The following SOX5 variants were observed in gnomAD, a reference collection of about 807,000 sequenced individuals.
SOX5 encodes transcription factor SOX-5.
SOX5 carries 9 observed loss-of-function variants against 92.0 expected under a neutral mutation model. The observed-to-expected ratio is 0.10, with a 90% CI of 0.06 to 0.17. The LOEUF is 0.17. Ranked by LOEUF, SOX5 falls within the 10% of genes least tolerant of loss-of-function variation. The probability of loss-of-function intolerance (pLI) is 1.00; values close to 1 mark genes in which losing one functional copy is unlikely to be tolerated. For missense variants in SOX5, 642 were observed against 944.5 expected, an observed-to-expected ratio of 0.68 and a Z score of 4.20; for synonymous variants, 344 against 336.3, an observed-to-expected ratio of 1.02 and a Z score of -0.25.
At chr12:23,934,772 T>C (rs1942196421) in intron 1 of SOX5, among the ~76,000 whole-genome samples, 1 of 151,486 alleles carries the variant, frequency 6.6e-6, no homozygotes, top group African/African-American at 2.4e-5. Flanking sequence ...AATGATTTCT[T>C]ATTGAAGCAC....
At chr12:24,356,759 G>A (rs1954882932) in intron 2 of SOX5, among the ~76,000 whole-genome samples, 1 of 151,986 alleles carries the variant, frequency 6.6e-6, no homozygotes, top group South Asian at 2.1e-4. Flanking sequence ...GGTGTTTTCT[G>A]TAAAAGCTGA....
At chr12:24,012,918 T>C (rs1360254924) in intron 4 of SOX5, among the ~76,000 whole-genome samples, 1 of 152,136 alleles carries the variant, frequency 6.6e-6, no homozygotes, top group Admixed American at 6.6e-5. Context: ...GTAGAAGCAA[T>C]AGGAACTATT....
intron 9 of SOX5, among the ~76,000 whole-genome samples, chr12:23,602,677 G>T (rs2074665203): frequency 6.6e-6 from 1 of 151,960 alleles, no homozygotes; most frequent in African/African-American, 2.4e-5. Flanking sequence ...AAAAAACAGA[G>T]AATAATACCT....
chr12:23,584,709 C>A, intron 9 of SOX5: 1 of 746,104 alleles, frequency 1.3e-6, no homozygotes, highest in South Asian at 1.6e-5. Context: ...AGGCACAGAA[C>A]CTTGGAGAAG....
intron 1 of SOX5, among the ~76,000 whole-genome samples, chr12:23,918,692 C>T (rs960855922): frequency 1.3e-5 from 2 of 151,520 alleles, no homozygotes; most frequent in African/African-American, 2.4e-5. Context: ...TTGGGAGGCC[C>T]AGGTGGAGGG....
intron 1 of SOX5, among the ~76,000 whole-genome samples, chr12:23,943,685 T>C (rs1157985254): frequency 6.6e-6 from 1 of 152,242 alleles, no homozygotes; most frequent in South Asian, 2.1e-4. Flanking sequence ...GCCAAGTGAC[T>C]AAAATGTTAC....
intron 4 of SOX5, among the ~76,000 whole-genome samples, chr12:24,103,603 G>A (rs1946342243): frequency 1.3e-5 from 2 of 152,144 alleles, no homozygotes; most frequent in Admixed American, 6.5e-5. Context: ...TGATCCTCAC[G>A]CCTTGGCCTC....
At chr12:24,398,772 T>A (rs1329958749) in intron 1 of SOX5, among the ~76,000 whole-genome samples, 3 of 152,212 alleles carry the variant, frequency 2.0e-5, no homozygotes, top group African/African-American at 7.2e-5. Context: ...GCACATCTAA[T>A]AACAGGAAGG....
intron 1 of SOX5, among the ~76,000 whole-genome samples, chr12:24,501,508 T>C (rs1231773360): frequency 6.6e-6 from 1 of 152,160 alleles, no homozygotes; most frequent in Non-Finnish European, 1.5e-5. Context: ...AAAAGTATTC[T>C]ATACTTAAAA....
At chr12:24,066,870 T>C (rs376055269) in intron 4 of SOX5, among the ~76,000 whole-genome samples, 1 of 152,296 alleles carries the variant, frequency 6.6e-6, no homozygotes, top group African/African-American at 2.4e-5. Context: ...GGTCAGAGAT[T>C]TTATTTCACC....
chr12:23,548,544 G>A (rs1319435998), intron 11 of SOX5, among the ~76,000 whole-genome samples: 1 of 151,954 alleles, frequency 6.6e-6, no homozygotes, highest in Non-Finnish European at 1.5e-5. Flanking sequence ...ATGAGAACAG[G>A]CAAAAGGAAA....
intron 3 of SOX5, among the ~76,000 whole-genome samples, chr12:24,277,014 T>C (rs914211118): frequency 1.3e-5 from 2 of 152,054 alleles, no homozygotes; most frequent in African/African-American, 4.8e-5. Flanking sequence ...GACATTACCA[T>C]CATAATGAGT....
At chr12:24,090,592 A>G (rs1389988916) in intron 4 of SOX5, among the ~76,000 whole-genome samples, 1 of 152,218 alleles carries the variant, frequency 6.6e-6, no homozygotes, top group Admixed American at 6.5e-5. Context: ...GATATTCCAA[A>G]TATTTCAAAT....
chr12:23,805,184 G>A (rs545919896), intron 3 of SOX5, among the ~76,000 whole-genome samples: 74 of 151,624 alleles, frequency 4.9e-4, no homozygotes, highest in Non-Finnish European at 7.1e-4. Context: ...ATAATATAGT[G>A]TAATAGTTTA....
At chr12:24,148,768 T>C (rs1250008012) in intron 4 of SOX5, among the ~76,000 whole-genome samples, 3 of 146,772 alleles carry the variant, frequency 2.0e-5, no homozygotes, top group Non-Finnish European at 4.5e-5. Flanking sequence ...CCCATACATA[T>C]AGTCCCAGCT....
At chr12:23,747,160 T>C (rs1026699260) in intron 4 of SOX5, among the ~76,000 whole-genome samples, 10 of 152,112 alleles carry the variant, frequency 6.6e-5, no homozygotes, top group African/African-American at 2.4e-4. Flanking sequence ...ATTTTTTGTC[T>C]ACCTCATCTT....
chr12:24,074,823 T>C (rs893406799), intron 4 of SOX5, among the ~76,000 whole-genome samples: 7 of 152,114 alleles, frequency 4.6e-5, no homozygotes, highest in African/African-American at 7.2e-5. Context: ...ATCTTAACAA[T>C]GACTCTACTG....
chr12:24,206,866 T>C (rs1958072893), intron 4 of SOX5, among the ~76,000 whole-genome samples: 1 of 152,198 alleles, frequency 6.6e-6, no homozygotes, highest in African/African-American at 2.4e-5. Flanking sequence ...GCTTGCCAAA[T>C]AAGCTGAGTG....
At chr12:23,653,872 G>A (rs2081992215) in intron 7 of SOX5, among the ~76,000 whole-genome samples, 1 of 152,046 alleles carries the variant, frequency 6.6e-6, no homozygotes, top group African/African-American at 2.4e-5. Flanking sequence ...CTAAAGGGAG[G>A]AATTATGTCT....
Sources: gnomAD v4.1 joint callset for allele counts (sites outside exome capture counted in the v4.1 genomes callset) on GRCh38, gnomAD v4.1.1 for gene constraint, MANE v1.5 for transcripts, NCBI Gene and HGNC (gene_info 2026-07-23, HGNC 2026-07-21) for gene names.